Variants in BCAS3 observed in about 807,000 individuals in gnomAD.
The protein encoded by BCAS3 is BCAS3 microtubule associated cell migration factor.
Under a neutral mutation model 116.1 loss-of-function variants are expected in BCAS3, and 53 were observed. That is an observed-to-expected ratio of 0.46 (90% CI 0.37 to 0.57). The LOEUF is 0.57. BCAS3 is among the 20% of genes least tolerant of loss of function. BCAS3 has a pLI of 0.00. For synonymous variants in BCAS3, 391 were observed against 408.2 expected (o/e 0.96, Z 0.51); for missense variants, 917 against 1,165.4 (o/e 0.79, Z 3.10).
At chr17:61,216,550 A>ATTTTATTTTAT (rs376432737) in intron 22 of BCAS3, among the ~76,000 whole-genome samples, 1 of 75,808 alleles carries the variant, frequency 1.3e-5, no homozygotes, top group African/African-American at 4.1e-5. Context: ...ATTTTATTTT[A>ATTTTATTTTAT]TTTATTTATT....
intron 22 of BCAS3, among the ~76,000 whole-genome samples, chr17:61,210,857 C>CT (rs1354627530): frequency 1.3e-5 from 2 of 152,194 alleles, no homozygotes; most frequent in South Asian, 2.1e-4. Context: ...GGACATTTTT[C>CT]TTTTTTGCAG....
intron 5 of BCAS3, among the ~76,000 whole-genome samples, chr17:60,744,362 G>C (rs1412133119): frequency 6.6e-6 from 1 of 152,110 alleles, no homozygotes; most frequent in Non-Finnish European, 1.5e-5. Context: ...GCACTTATTT[G>C]AAGGCAAAAT....
At chr17:60,834,880 C>A (rs1038518228) in intron 7 of BCAS3, among the ~76,000 whole-genome samples, 1 of 151,882 alleles carries the variant, frequency 6.6e-6, no homozygotes, top group African/African-American at 2.4e-5. Flanking sequence ...CTACTATAAC[C>A]AACTTATAAA....
rs866199200 is a variant in BCAS3, at chr17:61,080,101, C to T, written c.2327+1572C>T. Reference sequence around the variant, plus strand: ...TGTGTTTTTAGTAGAGATGGAGTTTCACTATGTTGGCCAGGCTGGTCTTGA... The same window carrying T: ...TGTGTTTTTAGTAGAGATGGAGTTTTACTATGTTGGCCAGGCTGGTCTTGA... On this transcript the variant is annotated intron_variant, in intron 21 of 23. Transcript: ENST00000407086. Among the ~76,000 whole-genome samples the T allele has an allele frequency of 4.0e-5, 6 of 151,758 alleles. No homozygotes were observed. The South Asian group carries it at 1.3e-3, about 32-fold the overall frequency.
intron 6 of BCAS3, among the ~76,000 whole-genome samples, chr17:60,780,771 C>G (rs953894046): frequency 6.6e-6 from 1 of 152,098 alleles, no homozygotes; most frequent in African/African-American, 2.4e-5. Context: ...TCACAGCTTT[C>G]TTCCTTCTAA....
At position 61,007,110 on chromosome 17, in the gene BCAS3, A is replaced by G. The variant is rs1005071387; in HGVS notation, c.1487-8641A>G. On this transcript the variant is annotated intron_variant, in intron 15 of 23. Transcript: ENST00000407086. This position sits in a 1 kb window ranked among gnomAD's most constrained non-coding sequence, Gnocchi z 4.3. ...CAAGTTTGGGTTGACTCTGTGATTG[A>G]AACTTAATTGCATGAAACTTTTCAG... 3.3e-5 allele frequency among the ~76,000 whole-genome samples: 5 copies of G among 152,082 alleles called. No individual in the cohort carries two copies. The highest frequency in any genetic ancestry group is 9.7e-5 in the African/African-American group (4 of 41,438).
rs1465272044 is a variant in BCAS3 at position 61,387,735 on chromosome 17, C to T, written c.2594-4242C>T. Among the ~76,000 whole-genome samples the T allele has an allele frequency of 1.3e-5, 2 of 152,200 alleles. No homozygotes were observed. The highest frequency in any genetic ancestry group is 2.9e-5 in the Non-Finnish European group (2 of 68,038). ...TAGTGATGCCGGAGCTGCCAGCACC[C>T]TGTGGCCCGCACCAGCACCCGTTCT... On this transcript the variant is annotated intron_variant, in intron 23 of 23. Transcript: ENST00000407086. This position sits in a 1 kb window ranked among gnomAD's most constrained non-coding sequence, Gnocchi z 6.2.
intron 10 of BCAS3, among the ~76,000 whole-genome samples, chr17:60,902,344 C>T (rs559411866): frequency 6.6e-6 from 1 of 152,202 alleles, no homozygotes; most frequent in Non-Finnish European, 1.5e-5. Flanking sequence ...AGACCCCAAT[C>T]CTACCATTTC....
At chr17:60,862,771 G>A (rs2054266605) in intron 7 of BCAS3, among the ~76,000 whole-genome samples, 1 of 152,186 alleles carries the variant, frequency 6.6e-6, no homozygotes, top group Non-Finnish European at 1.5e-5. Context: ...TAGTAGCTGA[G>A]ACTACAGGTG....
intron 6 of BCAS3, among the ~76,000 whole-genome samples, chr17:60,776,587 C>T (rs12600733): frequency 6.6e-6 from 1 of 151,838 alleles, no homozygotes; most frequent in Non-Finnish European, 1.5e-5. Context: ...GGCATGGTGG[C>T]GTGCACCTGT....
At chr17:60,865,261 C>G (rs1021039665) in intron 7 of BCAS3, among the ~76,000 whole-genome samples, 1 of 151,738 alleles carries the variant, frequency 6.6e-6, no homozygotes, top group Non-Finnish European at 1.5e-5. Context: ...TAGGTATGCT[C>G]GTATGTAAGA....
At chr17:61,335,112 C>T (rs1392756044) in intron 22 of BCAS3, among the ~76,000 whole-genome samples, 1 of 152,214 alleles carries the variant, frequency 6.6e-6, no homozygotes, top group Non-Finnish European at 1.5e-5. Context: ...TCATTTTCAG[C>T]CCATTTCTTT....
intron 22 of BCAS3, among the ~76,000 whole-genome samples, chr17:61,319,128 C>T (rs150895790): frequency 6.6e-6 from 1 of 152,172 alleles, no homozygotes; most frequent in African/African-American, 2.4e-5. Context: ...CACAGTTACT[C>T]GCAACTCCTT....
chr17:60,947,453 G>A, intron 14 of BCAS3, 101 bp downstream of exon 14: 1 of 1,275,826 alleles, frequency 7.8e-7, no homozygotes, highest in East Asian at 2.4e-5. Context: ...TGATGTTTGT[G>A]AGAAAATATT....
intron 5 of BCAS3, among the ~76,000 whole-genome samples, chr17:60,733,210 T>C (rs1335892096): frequency 6.6e-6 from 1 of 152,234 alleles, no homozygotes; most frequent in African/African-American, 2.4e-5. Flanking sequence ...ATTTAGTAAA[T>C]TTGTATAGCT....
chr17:60,959,960 T>C (rs2061335657), intron 14 of BCAS3, among the ~76,000 whole-genome samples: 1 of 152,162 alleles, frequency 6.6e-6, no homozygotes, highest in Non-Finnish European at 1.5e-5. Context: ...CTGAGTCAGC[T>C]CCTCTTCTGT....
intron 6 of BCAS3, among the ~76,000 whole-genome samples, chr17:60,773,392 G>A (rs1240143193): frequency 6.7e-6 from 1 of 150,362 alleles, no homozygotes; most frequent in Non-Finnish European, 1.5e-5. Flanking sequence ...CCCAGGCTCG[G>A]GCAGTCCTCC....
At chr17:60,820,761 A>G (rs2049890840) in intron 7 of BCAS3, among the ~76,000 whole-genome samples, 1 of 152,280 alleles carries the variant, frequency 6.6e-6, no homozygotes, top group South Asian at 2.1e-4. Flanking sequence ...AAAGAACAAA[A>G]TGGACAAAGA....
At chr17:61,158,392 C>G (rs2077983172) in intron 22 of BCAS3, among the ~76,000 whole-genome samples, 1 of 152,104 alleles carries the variant, frequency 6.6e-6, no homozygotes, top group Non-Finnish European at 1.5e-5. Context: ...AACTCAAAAT[C>G]AGCTGCTTTA....
Sources: allele counts gnomAD v4.1 joint callset (sites outside exome capture counted in the v4.1 genomes callset), GRCh38; gene constraint gnomAD v4.1.1; non-coding constraint Gnocchi (gnomAD v3.1); transcripts MANE v1.5; gene names NCBI Gene and HGNC (gene_info 2026-07-23, HGNC 2026-07-21).